Variants in FAM216A observed in about 807,000 individuals in gnomAD.
FAM216A encodes protein FAM216A.
In FAM216A, 26 loss-of-function variants were observed where a neutral mutation model predicts 37.6. The ratio of observed to expected loss-of-function variants is 0.69; its 90% CI spans 0.51 to 0.96. FAM216A has a LOEUF of 0.96. FAM216A is among the 40% of genes least tolerant of loss of function. The pLI is 0.00. For synonymous variants in FAM216A, 110 were observed against 121.7 expected (o/e 0.90, Z 0.64); for missense variants, 326 against 339.3 (o/e 0.96, Z 0.31).
chr12:110,486,894 T>A (rs915352721), intron 5 of FAM216A, 177 bp downstream of exon 5: 4 of 591,150 alleles, frequency 6.8e-6, no homozygotes, highest in Non-Finnish European at 8.7e-6. Context: ...TAGCTAGGGC[T>A]AAAGGCACAA....
upstream of FAM216A, chr12:110,468,457 T>C: frequency 1.3e-6 from 2 of 1,536,940 alleles, no homozygotes; most frequent in East Asian, 2.4e-5. Context: ...TGGGATGCTG[T>C]CTAAGCTTGG....
chr12:110,485,257 T>C (rs2062771290), intron 3 of FAM216A, 58 bp downstream of exon 3: 2 of 1,511,464 alleles, frequency 1.3e-6, no homozygotes, highest in Admixed American at 2.1e-5. Context: ...AGCCGAACTT[T>C]TTACTGAAGA....
chr12:110,482,392 TA>T (rs1401233753), intron 2 of FAM216A, among the ~76,000 whole-genome samples: 1 of 151,998 alleles, frequency 6.6e-6, no homozygotes, highest in East Asian at 1.9e-4. Flanking sequence ...ACTTTTAACT[TA>T]AAATGTGTCT....
chr12:110,478,406 T>C (rs1343292822), intron 2 of FAM216A, among the ~76,000 whole-genome samples: 1 of 152,174 alleles, frequency 6.6e-6, no homozygotes, highest in East Asian at 1.9e-4. Flanking sequence ...ATATGTTATG[T>C]TACATGGCAG....
At chr12:110,488,455 G>A (rs929332661) in intron 6 of FAM216A, among the ~76,000 whole-genome samples, 6 of 150,960 alleles carry the variant, frequency 4.0e-5, no homozygotes, top group Non-Finnish European at 8.9e-5. Flanking sequence ...AGAACATACT[G>A]CTCAAAAGAG....
Position 110,487,902 on chromosome 12 carries a change from T to C in FAM216A, c.662T>C (p.Leu221Pro). The change falls in exon 6 of 7, where the codon CTG becomes CCG. Residue 221 changes from leucine to proline, a missense_variant. Leu to Pro is a moderately conservative substitution (Grantham distance 98, BLOSUM62 -3). Coordinates refer to ENST00000377673, the MANE Select transcript of FAM216A (RefSeq NM_013300.3). ...GCATCTAAAACAAGATGTAAGTCACTGAAGATTTTTAGAAGACCAAGGAAA... is the reference window on the plus strand; with the variant it reads ...GCATCTAAAACAAGATGTAAGTCACCGAAGATTTTTAGAAGACCAAGGAAA... The part of the protein sequence containing the change: ...GYASKTRCKS[L>P]KIFRRPRKLF... 6.2e-7 allele frequency: 1 copy of C among 1,607,176 alleles called. No individual in the cohort carries two copies. Among genetic ancestry groups the C allele is most frequent in the African/African-American group, 1.3e-5 (1 of 74,802 alleles).
intron 2 of FAM216A, among the ~76,000 whole-genome samples, chr12:110,480,259 AG>A (rs1286965197): frequency 7.9e-6 from 1 of 126,828 alleles, no homozygotes. Context: ...TCCGGAGTGC[AG>A]TGGCACGATC....
At chr12:110,477,077 G>A (rs180986267) in intron 2 of FAM216A, among the ~76,000 whole-genome samples, 1 of 152,158 alleles carries the variant, frequency 6.6e-6, no homozygotes, top group African/African-American at 2.4e-5. Flanking sequence ...TGTTTCCTCC[G>A]ATGAGATTCA....
In FAM216A at chr12:110,490,353, G is replaced by T; in HGVS notation, c.*216G>T. On this transcript the variant is annotated 3_prime_UTR_variant, in exon 7 of 7. Coordinates refer to ENST00000377673, the MANE Select transcript of FAM216A (RefSeq NM_013300.3). ...CATGTAACATATACTTGTACTTCTAGCTAGATACAATTAAAACTTTTCTTG... is the reference window on the plus strand; with the variant it reads ...CATGTAACATATACTTGTACTTCTATCTAGATACAATTAAAACTTTTCTTG... The T allele has an allele frequency of 4.2e-6, 2 of 479,254 alleles. No homozygotes were observed. The highest frequency in any genetic ancestry group is 7.4e-6 in the Non-Finnish European group (2 of 269,996). 29.7% of individuals were successfully genotyped at this position (479,254 alleles called of 1,614,324 possible). A position where few individuals can be genotyped will look rare whatever the true frequency, so the allele number is the denominator to read the frequency against.
intron 2 of FAM216A, among the ~76,000 whole-genome samples, chr12:110,484,426 CAAAAAAAAAAAAAA>C (rs61648841): frequency 3.9e-5 from 2 of 51,258 alleles, no homozygotes; most frequent in African/African-American, 7.2e-5. Flanking sequence ...GACTCCGTCT[CAAAAAAAAAAAAAA>C]AAAAAAAAAA....
At chr12:110,483,330 CA>C (rs916383892) in intron 2 of FAM216A, among the ~76,000 whole-genome samples, 101 of 120,804 alleles carry the variant, frequency 8.4e-4, no homozygotes, top group Admixed American at 8.9e-4. Context: ...GACTCCTTCT[CA>C]AAAAAAAAAA....
intron 1 of FAM216A, among the ~76,000 whole-genome samples, chr12:110,470,040 T>C (rs2062673717): frequency 6.6e-6 from 1 of 152,064 alleles, no homozygotes; most frequent in Non-Finnish European, 1.5e-5. Flanking sequence ...AGAACTGCGA[T>C]ATGTTTGCCG....
chr12:110,488,913 G>C (rs2062792753), intron 6 of FAM216A, among the ~76,000 whole-genome samples: 1 of 152,112 alleles, frequency 6.6e-6, no homozygotes, highest in South Asian at 2.1e-4. Context: ...CTGTACCTTG[G>C]AAAGCAAGAC....
chr12:110,469,504 T>C lies in FAM216A; in HGVS notation c.143+486T>C, dbSNP rs934639276. 2.0e-5 allele frequency among the ~76,000 whole-genome samples: 3 copies of C among 152,086 alleles called. No homozygotes were observed. In the East Asian group the frequency reaches 5.8e-4, roughly 29 times the overall value. On this transcript the variant is annotated intron_variant, in intron 1 of 6. Coordinates refer to ENST00000377673, the MANE Select transcript of FAM216A (RefSeq NM_013300.3). ...ACGGGGATTTCTTTTTCTTTTTTTTTCTTTTCTTTCTTGTTTTTTGAGAGC... is the reference window on the plus strand; with the variant it reads ...ACGGGGATTTCTTTTTCTTTTTTTTCCTTTTCTTTCTTGTTTTTTGAGAGC...
At chr12:110,479,480 C>T (rs1034052359) in intron 2 of FAM216A, among the ~76,000 whole-genome samples, 13 of 151,360 alleles carry the variant, frequency 8.6e-5, no homozygotes, top group South Asian at 2.1e-4. Context: ...TTATTTGCTT[C>T]GTCCTAAGAT....
intron 1 of FAM216A, among the ~76,000 whole-genome samples, chr12:110,472,722 C>T (rs1398672394): frequency 6.6e-6 from 1 of 151,984 alleles, no homozygotes; most frequent in African/African-American, 2.4e-5. Context: ...CAGTGGCTCA[C>T]ACCTTTAATC....
intron 6 of FAM216A, 80 bp downstream of exon 6, chr12:110,488,023 ATT>A: frequency 1.2e-6 from 1 of 816,112 alleles, no homozygotes; most frequent in Non-Finnish European, 2.0e-6. Context: ...TTTCATTTCT[ATT>A]ATGAAGATAT....
Position 110,486,603 on chromosome 12 carries a change from C to T in FAM216A, c.506C>T (p.Thr169Ile), listed in dbSNP as rs2062778193. Residue 169 changes from threonine (T) to isoleucine (I), a missense_variant, in exon 5 of 7, where the codon ACA (threonine) becomes ATA (isoleucine). Coordinates refer to ENST00000377673, the MANE Select transcript of FAM216A (RefSeq NM_013300.3). ...CAGAAACAGCATTACCCTTGCACTA[C>T]ATGGCGACATCAACTGGAGAGAGAG... ...YSQKQHYPCT[T>I]WRHQLEREDS... is the part of the protein sequence containing the mutation. 8 of 1,614,088 alleles carry T rather than the reference C, an allele frequency of 5.0e-6. No homozygotes were observed. Among genetic ancestry groups the T allele is most frequent in the Non-Finnish European group, 6.8e-6 (8 of 1,180,042 alleles).
intron 2 of FAM216A, among the ~76,000 whole-genome samples, chr12:110,479,132 T>C (rs544306412): frequency 2.7e-5 from 4 of 149,548 alleles, no homozygotes; most frequent in African/African-American, 9.8e-5. Flanking sequence ...GAGCTTGCAG[T>C]GAGCCTGGGC....
Sources: allele counts gnomAD v4.1 joint callset (sites outside exome capture counted in the v4.1 genomes callset), GRCh38; gene constraint gnomAD v4.1.1; transcripts MANE v1.5; gene names NCBI Gene and HGNC (gene_info 2026-07-23, HGNC 2026-07-21).